The following MRPL1 variants were observed in gnomAD, a reference collection of about 807,000 sequenced individuals.
The protein encoded by MRPL1 is large ribosomal subunit protein uL1m.
A neutral mutation model predicts 38.0 loss-of-function variants in MRPL1; 28 were observed. The ratio of observed to expected loss-of-function variants is 0.74; its 90% CI spans 0.55 to 1.01. The LOEUF is 1.01. MRPL1 is among the 50% of genes least tolerant of loss of function. The pLI is 0.00. For synonymous variants in MRPL1, 123 were observed against 126.7 expected, an observed-to-expected ratio of 0.97 and a Z score of 0.20; for missense variants, 358 against 389.8, an observed-to-expected ratio of 0.92 and a Z score of 0.69.
At chr4:77,901,575 A>G (rs773964500) in intron 6 of MRPL1, among the ~76,000 whole-genome samples, 1 of 152,106 alleles carries the variant, frequency 6.6e-6, no homozygotes, top group African/African-American at 2.4e-5. Context: ...TAAAAACTAT[A>G]AGCATTAGAG....
intron 7 of MRPL1, among the ~76,000 whole-genome samples, chr4:77,922,552 C>CTT (rs1736603905): frequency 6.6e-6 from 1 of 152,164 alleles, no homozygotes; most frequent in South Asian, 2.1e-4. Context: ...AGTTAAGGGT[C>CTT]TTTTGCAATA....
intron 7 of MRPL1, among the ~76,000 whole-genome samples, chr4:77,928,997 G>T (rs1736784328): frequency 6.6e-6 from 1 of 152,232 alleles, no homozygotes; most frequent in Non-Finnish European, 1.5e-5. Context: ...ACAATGTAGT[G>T]ATCATAGATA....
chr4:77,882,079 T>G (rs552984018), intron 2 of MRPL1, among the ~76,000 whole-genome samples: 5 of 152,208 alleles, frequency 3.3e-5, no homozygotes, highest in Non-Finnish European at 2.9e-5. Flanking sequence ...CCAATCTTGT[T>G]TACCGACTAT....
rs541407046 is a variant in MRPL1 at position 77,891,018 on chromosome 4, T to C, written c.559-3121T>C. ...AAAGTACTCTAAATTTGGTGAGGAT[T>C]CTGGATTTTAAATAAAGAGGGTCTT... On this transcript the variant is annotated intron_variant, in intron 5 of 8. Transcript: ENST00000315567. Among the ~76,000 whole-genome samples the C allele has an allele frequency of 2.0e-5, 3 of 152,280 alleles. No individual in the cohort carries two copies. In the South Asian group the frequency reaches 6.2e-4, roughly 32 times the overall value.
At chr4:77,917,894 A>G (rs1015483736) in intron 7 of MRPL1, among the ~76,000 whole-genome samples, 1 of 151,998 alleles carries the variant, frequency 6.6e-6, no homozygotes, top group African/African-American at 2.4e-5. Context: ...CTTCTCTACT[A>G]AAAATACAAA....
chr4:77,919,849 A>ATGTGTG (rs1553906969), intron 7 of MRPL1, among the ~76,000 whole-genome samples: 31 of 149,464 alleles, frequency 2.1e-4, no homozygotes, highest in African/African-American at 7.4e-4. Flanking sequence ...ATATATATAT[A>ATGTGTG]TGTGTGTGTG....
chr4:77,914,331 G>T (rs183467032), intron 7 of MRPL1, among the ~76,000 whole-genome samples: 2 of 152,250 alleles, frequency 1.3e-5, no homozygotes, highest in African/African-American at 4.8e-5. Context: ...AGGTATTAAT[G>T]CTAAGTGTGC....
intron 6 of MRPL1, among the ~76,000 whole-genome samples, chr4:77,900,987 AT>A (rs1437917557): frequency 4.0e-5 from 6 of 151,742 alleles, no homozygotes; most frequent in African/African-American, 7.2e-5. Context: ...TATTGATTAA[AT>A]GTAGGGGGTA....
chr4:77,906,979 T>G (rs928963693), intron 6 of MRPL1: 57 of 985,160 alleles, frequency 5.8e-5, no homozygotes, highest in Non-Finnish European at 6.7e-5. Context: ...TGCTTTCACT[T>G]ATAGCTGTAG....
At chr4:77,887,357 C>A in intron 5 of MRPL1, 66 bp downstream of exon 5, 2 of 1,265,012 alleles carry the variant, frequency 1.6e-6, no homozygotes, top group Non-Finnish European at 2.3e-6. Flanking sequence ...ATTCATTGAT[C>A]TGTTATATGT....
At chr4:77,951,805 A>AGTGTGTGGGTTGTGT (rs1737417435) in intron 8 of MRPL1, among the ~76,000 whole-genome samples, 1 of 152,080 alleles carries the variant, frequency 6.6e-6, no homozygotes, top group African/African-American at 2.4e-5. Flanking sequence ...GGTGTGAGTT[A>AGTGTGTGGGTTGTGT]GTGTGTGGGT....
At chr4:77,915,723 T>G (rs1351937076) in intron 7 of MRPL1, among the ~76,000 whole-genome samples, 1 of 152,182 alleles carries the variant, frequency 6.6e-6, no homozygotes, top group Non-Finnish European at 1.5e-5. Flanking sequence ...TTAGTTTTGT[T>G]CTTAATATTT....
chr4:77,922,957 C>G (rs1736612929), intron 7 of MRPL1, among the ~76,000 whole-genome samples: 2 of 152,270 alleles, frequency 1.3e-5, no homozygotes, highest in African/African-American at 4.8e-5. Context: ...GAGTCATCTG[C>G]ATATAGATAG....
chr4:77,940,258 C>G (rs1737086633), intron 7 of MRPL1, among the ~76,000 whole-genome samples: 1 of 151,912 alleles, frequency 6.6e-6, no homozygotes, highest in African/African-American at 2.4e-5. Flanking sequence ...GGTCTTTTAC[C>G]TCTTTGGTTA....
chr4:77,936,475 C>A (rs1318506695), intron 7 of MRPL1, among the ~76,000 whole-genome samples: 1 of 152,214 alleles, frequency 6.6e-6, no homozygotes, highest in Non-Finnish European at 1.5e-5. Context: ...GACTTTTACT[C>A]ATTCATTTCC....
At chr4:77,875,930 A>G (rs1449791120) in intron 2 of MRPL1, among the ~76,000 whole-genome samples, 1 of 151,942 alleles carries the variant, frequency 6.6e-6, no homozygotes, top group African/African-American at 2.4e-5. Flanking sequence ...ATGCCTAACA[A>G]CCTTGGATAC....
At chr4:77,870,482 C>T (rs192785057) in intron 1 of MRPL1, among the ~76,000 whole-genome samples, 25 of 152,312 alleles carry the variant, frequency 1.6e-4, no homozygotes, top group African/African-American at 5.1e-4. Flanking sequence ...TGCATGTACA[C>T]ACACCTTTAT....
At chr4:77,908,580 G>A (rs1301234950) in intron 6 of MRPL1, among the ~76,000 whole-genome samples, 3 of 152,060 alleles carry the variant, frequency 2.0e-5, no homozygotes, top group Non-Finnish European at 4.4e-5. Flanking sequence ...ATTTTAATAT[G>A]TCATCTGTGT....
intron 3 of MRPL1, among the ~76,000 whole-genome samples, chr4:77,883,879 C>T (rs1735610510): frequency 6.6e-6 from 1 of 152,114 alleles, no homozygotes; most frequent in South Asian, 2.1e-4. Flanking sequence ...TGCCTGGCCT[C>T]TTAATTTTAA....
Sources: gnomAD v4.1 joint callset for allele counts (sites outside exome capture counted in the v4.1 genomes callset) on GRCh38, gnomAD v4.1.1 for gene constraint, MANE v1.5 for transcripts, NCBI Gene and HGNC (gene_info 2026-07-23, HGNC 2026-07-21) for gene names.